Variants in ARHGAP22 observed in about 807,000 individuals in gnomAD.
ARHGAP22 encodes the protein rho GTPase-activating protein 22.
In ARHGAP22, 48 loss-of-function variants were observed where a neutral mutation model predicts 59.1. The ratio of observed to expected loss-of-function variants is 0.81; its 90% CI spans 0.64 to 1.03. The LOEUF is 1.03. ARHGAP22 is among the 50% of genes least tolerant of loss of function. The pLI is 0.00. For synonymous variants in ARHGAP22, 445 were observed against 416.4 expected (o/e 1.07, Z -0.84); for missense variants, 1,015 against 958.7 (o/e 1.06, Z -0.78).
intron 1 of ARHGAP22, among the ~76,000 whole-genome samples, chr10:48,645,495 T>C (rs984317399): frequency 2.1e-4 from 32 of 152,190 alleles, no homozygotes; most frequent in African/African-American, 4.8e-5. Context: ...GTACATCTAT[T>C]ACACATCTAT....
At chr10:48,586,411 C>T (rs2059426363) in intron 1 of ARHGAP22, among the ~76,000 whole-genome samples, 1 of 152,134 alleles carries the variant, frequency 6.6e-6, no homozygotes, top group African/African-American at 2.4e-5. Flanking sequence ...CGTACAGGTG[C>T]CTAGTAATGG....
upstream of ARHGAP22, among the ~76,000 whole-genome samples, chr10:48,605,710 A>G (rs528283725): frequency 1.3e-5 from 2 of 152,308 alleles, no homozygotes; most frequent in Non-Finnish European, 2.9e-5. Flanking sequence ...AACAATAGCT[A>G]TCATTTATTA....
At chr10:48,482,574 T>C in intron 3 of ARHGAP22, among the ~76,000 whole-genome samples, 1 of 152,260 alleles carries the variant, frequency 6.6e-6, no homozygotes, top group East Asian at 1.9e-4. Flanking sequence ...ATTAAGTCTA[T>C]CTGCTATAGG....
chr10:48,601,116 G>C (rs2060353464), intron 1 of ARHGAP22, among the ~76,000 whole-genome samples: 1 of 152,218 alleles, frequency 6.6e-6, no homozygotes, highest in Admixed American at 6.5e-5. Context: ...GAGCCATGAA[G>C]GTGGTGAGAG....
chr10:48,619,760 G>A (rs1027501477), intron 1 of ARHGAP22, among the ~76,000 whole-genome samples: 1 of 152,062 alleles, frequency 6.6e-6, no homozygotes, highest in African/African-American at 2.4e-5. Context: ...AGAAAACATC[G>A]GGAAAATGCT....
Position 48,450,702 on chromosome 10 carries a change from G to C in ARHGAP22, c.1427C>G (p.Ser476Trp). 1 of 1,552,956 alleles carries C rather than the reference G, an allele frequency of 6.4e-7. No individual in the cohort carries two copies. Among genetic ancestry groups the C allele is most frequent in the South Asian group, 1.2e-5 (1 of 84,168 alleles). ...SSLRGHRRAS[S>W]GDRLKDSGSV... ...GCCCGAGTCCTTGAGCCGGTCTCCC[G>C]ACGAGGCCCGGCGGTGTCCGCGCAG... The change falls in exon 9 of 10, where the codon TCG (serine) becomes TGG (tryptophan). Residue 476 changes from serine to tryptophan, a missense_variant. Coordinates refer to ENST00000249601, the MANE Select transcript of ARHGAP22 (RefSeq NM_021226.4).
chr10:48,571,113 A>G (rs73300242), intron 2 of ARHGAP22, among the ~76,000 whole-genome samples: 267 of 152,038 alleles, frequency 1.8e-3, no homozygotes, highest in African/African-American at 6.1e-3. Flanking sequence ...GCTCTTGGAG[A>G]TCATTTCTGG....
At chr10:48,437,210 A>G in the ARHGAP22 span, 1 of 152,254 alleles carries the variant, frequency 6.6e-6, no homozygotes, top group Non-Finnish European at 1.5e-5. Context: ...AACAAATTAT[A>G]TCCTAAAAAC....
At position 48,450,839 on chromosome 10, in the gene ARHGAP22, G is replaced by A. The variant is rs375118522; in HGVS notation, c.1290C>T (p.Ser430=). 7.4e-5 allele frequency: 117 copies of A among 1,589,568 alleles called. No individual in the cohort carries two copies. Among genetic ancestry groups the A allele is most frequent in the Non-Finnish European group, 9.2e-5 (107 of 1,168,672 alleles). Residue 430 remains serine (S), a synonymous_variant, in exon 9 of 10, where the codon TCC becomes TCT. Transcript: ENST00000249601. The part of the protein sequence containing the change: ...KKVQTLPSWK[S]SFRQPRSLSG... ...ATAGGGACCTCGGCTGCCGGAAGGA[G>A]GACTTCCAACTGGGCAGGGTCTGCA...
intron 2 of ARHGAP22, among the ~76,000 whole-genome samples, chr10:48,556,927 C>G (rs2057345613): frequency 6.6e-6 from 1 of 152,172 alleles, no homozygotes; most frequent in Non-Finnish European, 1.5e-5. Context: ...CAGGCAAATC[C>G]TGGCTTTCAC....
chr10:48,541,910 C>T (rs955965543), intron 3 of ARHGAP22, among the ~76,000 whole-genome samples: 1 of 152,174 alleles, frequency 6.6e-6, no homozygotes, highest in Admixed American at 6.5e-5. Flanking sequence ...AGTTAAAGGC[C>T]CCTTTGCCGT....
chr10:48,579,734 C>T (rs2058992771), intron 2 of ARHGAP22, among the ~76,000 whole-genome samples: 1 of 152,190 alleles, frequency 6.6e-6, no homozygotes, highest in Non-Finnish European at 1.5e-5. Context: ...TTCTTCCGGA[C>T]AGTTACATCT....
intron 1 of ARHGAP22, among the ~76,000 whole-genome samples, chr10:48,584,522 C>A (rs1052584776): frequency 3.9e-5 from 6 of 152,206 alleles, no homozygotes; most frequent in African/African-American, 1.4e-4. Context: ...TGTCTTTCTG[C>A]CACTCTGGAC....
At chr10:48,463,063 G>C (rs1336943798) in intron 4 of ARHGAP22, among the ~76,000 whole-genome samples, 3 of 152,230 alleles carry the variant, frequency 2.0e-5, no homozygotes, top group Non-Finnish European at 4.4e-5. Context: ...ATAATCAAGA[G>C]ATTTCATATA....
chr10:48,488,529 A>AACC, intron 3 of ARHGAP22, among the ~76,000 whole-genome samples: 1 of 152,196 alleles, frequency 6.6e-6, no homozygotes, highest in Non-Finnish European at 1.5e-5. Context: ...GATTCTTGGA[A>AACC]AGAGTTTGAT....
intron 4 of ARHGAP22, among the ~76,000 whole-genome samples, chr10:48,471,795 C>A (rs2048254613): frequency 6.6e-6 from 1 of 152,224 alleles, no homozygotes; most frequent in African/African-American, 2.4e-5. Flanking sequence ...ATTGCAAATT[C>A]ATCTCCAGCT....
chr10:48,598,893 T>C (rs1469065753), intron 1 of ARHGAP22, among the ~76,000 whole-genome samples: 1 of 152,194 alleles, frequency 6.6e-6, no homozygotes, highest in Non-Finnish European at 1.5e-5. Flanking sequence ...GGCATGTAAA[T>C]GTGAAGGCAC....
chr10:48,568,395 T>C (rs2058182375), intron 2 of ARHGAP22, among the ~76,000 whole-genome samples: 1 of 152,142 alleles, frequency 6.6e-6, no homozygotes, highest in African/African-American at 2.4e-5. Context: ...TACTGGACCA[T>C]ATGGTAGGCC....
chr10:48,606,569 C>T (rs1215030475), upstream of ARHGAP22, among the ~76,000 whole-genome samples: 1 of 152,210 alleles, frequency 6.6e-6, no homozygotes, highest in Non-Finnish European at 1.5e-5. Context: ...TCTATACAAC[C>T]ATATGCACAT....
Sources: allele counts gnomAD v4.1 joint callset (sites outside exome capture counted in the v4.1 genomes callset), GRCh38; gene constraint gnomAD v4.1.1; transcripts MANE v1.5; gene names NCBI Gene and HGNC (gene_info 2026-07-23, HGNC 2026-07-21).